The following USH2A variants were observed in gnomAD, a reference collection of about 807,000 sequenced individuals.
The protein encoded by USH2A is usherin, also known as Usher syndrome 2A (autosomal recessive, mild).
USH2A carries 443 observed loss-of-function variants against 538.9 expected under a neutral mutation model. That is an observed-to-expected ratio of 0.82 (90% CI 0.76 to 0.89). The LOEUF is 0.89. Ranked by LOEUF, USH2A falls within the 40% of genes least tolerant of loss-of-function variation. USH2A has a pLI of 0.00. For synonymous variants in USH2A, 2,413 were observed against 2,273.5 expected (o/e 1.06, Z -1.75); for missense variants, 6,633 against 6,324.8 (o/e 1.05, Z -1.65).
At chr1:216,321,723 C>T (rs1037131632) in intron 9 of USH2A, among the ~76,000 whole-genome samples, 160 bp downstream of exon 9, 2 of 152,096 alleles carry the variant, frequency 1.3e-5, no homozygotes, top group African/African-American at 4.8e-5. Context: ...TAATTGATGG[C>T]TGTTATTTTT....
rs77343075 is a variant in USH2A, at chr1:216,354,094, A to G, written c.784+10859T>C. Among the ~76,000 whole-genome samples, 401 of 152,208 alleles carry G rather than the reference A, an allele frequency of 2.6e-3. 1 individual carries two copies. The highest frequency in any genetic ancestry group is 8.6e-3 in the African/African-American group (359 of 41,554). Reference sequence around the variant, plus strand: ...CCAGACATGTGTCTAACTATTTTCAATTCTATCCACAGATATCTGAAACCA... The same window carrying G: ...CCAGACATGTGTCTAACTATTTTCAGTTCTATCCACAGATATCTGAAACCA... On this transcript the variant is annotated intron_variant, in intron 4 of 71. Transcript: ENST00000307340.
intron 38 of USH2A, among the ~76,000 whole-genome samples, chr1:215,922,652 C>A (rs1010482592): frequency 1.3e-5 from 2 of 152,070 alleles, no homozygotes; most frequent in African/African-American, 2.4e-5. Flanking sequence ...CATTAAAACA[C>A]AGATTGCTTG....
chr1:216,000,923 C>T (rs1027133743), intron 32 of USH2A, among the ~76,000 whole-genome samples: 3 of 152,158 alleles, frequency 2.0e-5, no homozygotes, highest in African/African-American at 7.2e-5. Flanking sequence ...TATTTGAAGA[C>T]AACAGGAGTT....
intron 3 of USH2A, among the ~76,000 whole-genome samples, chr1:216,371,240 T>C (rs2809300): frequency 0.75 from 114,694 of 152,188 alleles, 43,457 homozygotes; most frequent in East Asian, 0.84. Context: ...CTTACATAAA[T>C]GTAAAGAAGG....
At chr1:215,850,412 T>C (rs1198698131) in intron 44 of USH2A, among the ~76,000 whole-genome samples, 1 of 152,150 alleles carries the variant, frequency 6.6e-6, no homozygotes, top group African/African-American at 2.4e-5. Flanking sequence ...ATCATTGAAC[T>C]ACATTTTCTG....
chr1:216,323,572 T>C lies in USH2A; in HGVS notation c.1452A>G (p.Gln484=). The change falls in exon 8 of 72, where the codon CAA becomes CAG. Residue 484 remains glutamine (Q), a synonymous_variant. Transcript: ENST00000307340. ...PSLQEFVKAT[Q]IRFHFHGQYY... ...ACTGCCCATGAAAATGAAACCTTAT[T>C]TGCGTGGCTTTTACGAACTCTTGAA... The C allele has an allele frequency of 6.2e-7, 1 of 1,613,610 alleles. No homozygotes were observed. Among genetic ancestry groups the C allele is most frequent in the Non-Finnish European group, 8.5e-7 (1 of 1,179,764 alleles).
chr1:216,166,875 C>T (rs967504933), intron 21 of USH2A, among the ~76,000 whole-genome samples: 2 of 152,074 alleles, frequency 1.3e-5, no homozygotes, highest in African/African-American at 4.8e-5. Context: ...CTTATTCTTC[C>T]TTTATGATAT....
chr1:215,677,341 T>C (rs1011712304), intron 62 of USH2A, among the ~76,000 whole-genome samples: 1 of 152,324 alleles, frequency 6.6e-6, no homozygotes, highest in East Asian at 1.9e-4. Context: ...ACTGGTTATT[T>C]CTATTCGTGT....
At chr1:216,382,701 C>T (rs1300278224) in intron 3 of USH2A, among the ~76,000 whole-genome samples, 1 of 151,952 alleles carries the variant, frequency 6.6e-6, no homozygotes, top group Non-Finnish European at 1.5e-5. Context: ...GTGAAAAGTG[C>T]ATAGTGTTAA....
At chr1:216,161,908 T>G (rs1028056568) in intron 21 of USH2A, among the ~76,000 whole-genome samples, 7 of 152,082 alleles carry the variant, frequency 4.6e-5, no homozygotes, top group African/African-American at 1.7e-4. Flanking sequence ...TCAGACATCA[T>G]TCTTATTTTT....
intron 38 of USH2A, among the ~76,000 whole-genome samples, chr1:215,927,696 C>T (rs1666268398): frequency 6.6e-6 from 1 of 152,150 alleles, no homozygotes; most frequent in South Asian, 2.1e-4. Context: ...TAGGATCAAT[C>T]ATACCTGAAA....
intron 3 of USH2A, among the ~76,000 whole-genome samples, chr1:216,367,806 A>G (rs2038627953): frequency 2.6e-5 from 4 of 152,220 alleles, no homozygotes; most frequent in Admixed American, 2.0e-4. Context: ...GAAGCTGTAA[A>G]GACTGAGGTG....
chr1:216,167,521 A>C (rs924427791), intron 21 of USH2A, among the ~76,000 whole-genome samples: 7 of 152,074 alleles, frequency 4.6e-5, no homozygotes, highest in African/African-American at 1.7e-4. Flanking sequence ...GCATGCCTAT[A>C]ACTTCAGTAA....
At chr1:215,914,361 A>C (rs1235569172) in intron 38 of USH2A, among the ~76,000 whole-genome samples, 6 of 151,912 alleles carry the variant, frequency 3.9e-5, no homozygotes, top group Admixed American at 3.9e-4. Flanking sequence ...TCTAAAATGG[A>C]CTCTTCTTAT....
At chr1:215,937,441 G>T (rs923983505) in intron 37 of USH2A, among the ~76,000 whole-genome samples, 6 of 152,188 alleles carry the variant, frequency 3.9e-5, no homozygotes, top group African/African-American at 1.2e-4. Context: ...CCAACTGCAT[G>T]CAAGGAGAAG....
intron 64 of USH2A, among the ~76,000 whole-genome samples, chr1:215,663,788 G>A (rs1015910798): frequency 3.3e-5 from 5 of 152,228 alleles, no homozygotes; most frequent in African/African-American, 9.6e-5. Flanking sequence ...TATGTATGAG[G>A]TGCTGTTCCA....
chr1:216,039,825 G>A (rs907089484), intron 32 of USH2A, among the ~76,000 whole-genome samples: 14 of 151,796 alleles, frequency 9.2e-5, no homozygotes, highest in Non-Finnish European at 2.1e-4. Context: ...TAAGACTTAA[G>A]TGTTTGGAAA....
intron 20 of USH2A, among the ~76,000 whole-genome samples, chr1:216,184,795 C>G (rs141474552): frequency 8.2e-4 from 124 of 151,864 alleles, no homozygotes; most frequent in African/African-American, 2.9e-3. Context: ...ACTTATGTAC[C>G]CGAATGCAAA....
intron 32 of USH2A, among the ~76,000 whole-genome samples, chr1:216,045,074 A>C (rs1303686159): frequency 1.3e-5 from 2 of 152,124 alleles, no homozygotes; most frequent in Admixed American, 6.5e-5. Context: ...GTATCTGGCC[A>C]GTTCCCTATT....
Sources: gnomAD v4.1 joint callset for allele counts (sites outside exome capture counted in the v4.1 genomes callset) on GRCh38, gnomAD v4.1.1 for gene constraint, MANE v1.5 for transcripts, NCBI Gene and HGNC (gene_info 2026-07-23, HGNC 2026-07-21) for gene names.